The following FEM1C variants were observed in gnomAD, a reference collection of about 807,000 sequenced individuals.
FEM1C encodes protein fem-1 homolog C.
FEM1C carries 15 observed loss-of-function variants against 37.6 expected under a neutral mutation model. That is an observed-to-expected ratio of 0.40 (90% CI 0.27 to 0.61). FEM1C has a LOEUF of 0.61. Among genes scored for constraint, FEM1C ranks in the 20% least tolerant of loss-of-function variants. The pLI, the probability that FEM1C is intolerant of heterozygous loss-of-function variation, is 0.42. For synonymous variants in FEM1C, 287 were observed against 272.8 expected, an observed-to-expected ratio of 1.05 and a Z score of -0.51; for missense variants, 532 against 749.7, an observed-to-expected ratio of 0.71 and a Z score of 3.39.
chr5:115,524,959 C>T lies in FEM1C; in HGVS notation c.1203G>A (p.Leu401=). Residue 401 remains leucine, a synonymous_variant, in exon 3 of 3, where the codon CTG becomes CTA. Coordinates refer to ENST00000274457, the MANE Select transcript of FEM1C (RefSeq NM_020177.3). ...CATCAAATGTAACAGTAGTACCCAG[C>T]AGGCCTTTAGCCCTATCCTGTAGCA... is the stretch of plus-strand genomic sequence containing the variant. ...SFMLQDRAKG[L]LGTTVTFDDL... 1 of 1,613,768 alleles carries T rather than the reference C, an allele frequency of 6.2e-7. No homozygotes were observed. The highest frequency in any genetic ancestry group is 1.3e-5 in the African/African-American group (1 of 75,002).
Position 115,524,245 on chromosome 5 carries a change from G to T in FEM1C, c.*63C>A. 1 of 1,312,568 alleles carries T rather than the reference G, an allele frequency of 7.6e-7. No homozygotes were observed. Among genetic ancestry groups the T allele is most frequent in the Non-Finnish European group, 1.1e-6 (1 of 916,752 alleles). 81.3% of individuals were successfully genotyped at this position (1,312,568 alleles called of 1,614,324 possible). The stretch of plus-strand genomic sequence containing the variant: ...TGAATGCTGGTGTTATCACAACAGT[G>T]CTCATTTATGAAACAACTGTTACCA... On this transcript the variant is annotated 3_prime_UTR_variant, in exon 3 of 3. Transcript: ENST00000274457.
chr5:115,541,562 G>A (rs1167382477), intron 2 of FEM1C, among the ~76,000 whole-genome samples: 7 of 152,116 alleles, frequency 4.6e-5, no homozygotes, highest in Non-Finnish European at 1.0e-4. Context: ...TTATACTACA[G>A]TTATTCTCAC....
chr5:115,527,553 C>T (rs2127169819), intron 2 of FEM1C, among the ~76,000 whole-genome samples: 1 of 152,268 alleles, frequency 6.6e-6, no homozygotes, highest in East Asian at 1.9e-4. Flanking sequence ...ATGACTACTA[C>T]ACCAAGTATA....
In FEM1C at chr5:115,524,601, C is replaced by T. The variant is rs1753846555; in HGVS notation, c.1561G>A (p.Val521Met). 1 of 1,609,698 alleles carries T rather than the reference C, an allele frequency of 6.2e-7. No individual in the cohort carries two copies. Among genetic ancestry groups the T allele is most frequent in the African/African-American group, 1.3e-5 (1 of 74,676 alleles). The change falls in exon 3 of 3, where the codon GTG becomes ATG. Residue 521 changes from valine (V) to methionine (M), a missense_variant. This residue lies in a region of FEM1C where 237 missense variants were observed against 260.5 expected (regional missense o/e 0.91). Coordinates refer to ENST00000274457, the MANE Select transcript of FEM1C (RefSeq NM_020177.3). ...TTGTCATCCGAGTCTCTGACGTTCA[C>T]ATCAGCACCACATTCTATCAGTATT... ...TAILIECGAD[V>M]NVRDSDDNSP...
chr5:115,531,653 A>T (rs1018220204), intron 2 of FEM1C, among the ~76,000 whole-genome samples: 18 of 152,098 alleles, frequency 1.2e-4, no homozygotes, highest in African/African-American at 2.4e-4. Flanking sequence ...GAAATATGCT[A>T]TGGTAGTATG....
rs1753784371 is a variant in FEM1C, at chr5:115,521,918, T to C, written c.*2390A>G. 1 of 151,848 alleles carries C rather than the reference T, an allele frequency of 6.6e-6. No homozygotes were observed. Among genetic ancestry groups the C allele is most frequent in the Non-Finnish European group, 1.5e-5 (1 of 67,800 alleles). 9.4% of individuals were successfully genotyped at this position (151,848 alleles called of 1,614,324 possible). A position where few individuals can be genotyped will look rare whatever the true frequency, so the allele number is the denominator to read the frequency against. ...GTTTTTCAAAACCTCCCAATGGCAT[T>C]TGTGGAGATGGCAGAGAAGGGAGAA... is the stretch of plus-strand genomic sequence containing the variant. On this transcript the variant is annotated 3_prime_UTR_variant, in exon 3 of 3. Transcript: ENST00000274457.
intron 2 of FEM1C, among the ~76,000 whole-genome samples, chr5:115,539,256 TTC>T (rs1414678559): frequency 3.9e-5 from 6 of 152,186 alleles, no homozygotes; most frequent in Admixed American, 2.0e-4. Context: ...GCTGCTCAAT[TTC>T]TGTTAGAATT....
rs188084095 is a variant in FEM1C, at chr5:115,543,417, T to G, written c.77A>C (p.Lys26Thr). 2 of 1,614,060 alleles carry G rather than the reference T, an allele frequency of 1.2e-6. No homozygotes were observed. Among genetic ancestry groups the G allele is most frequent in the African/African-American group, 2.7e-5 (2 of 74,926 alleles). ...CAAGGAGGAAACCTCCTCTTTGGATTTGCTTGCCAACAATTTGGTGAGAAG... is the reference window on the plus strand; with the variant it reads ...CAAGGAGGAAACCTCCTCTTTGGATGTGCTTGCCAACAATTTGGTGAGAAG... ...LRLLTKLLAS[K>T]SKEEVSSLIS... is the part of the protein sequence containing the mutation. The change falls in exon 2 of 3, where the codon AAA becomes ACA. Residue 26 changes from lysine (K) to threonine (T), a missense_variant. By Grantham distance (78) the Lys-to-Thr change is moderately conservative (BLOSUM62 -1). Coordinates refer to ENST00000274457, the MANE Select transcript of FEM1C (RefSeq NM_020177.3).
intron 2 of FEM1C, among the ~76,000 whole-genome samples, chr5:115,534,742 A>AT (rs1754088875): frequency 6.6e-6 from 1 of 151,974 alleles, no homozygotes; most frequent in Non-Finnish European, 1.5e-5. Context: ...TGTGTTTAGC[A>AT]TAAGTCAAAT....
At chr5:115,540,206 C>T (rs981482596) in intron 2 of FEM1C, among the ~76,000 whole-genome samples, 6 of 151,880 alleles carry the variant, frequency 4.0e-5, no homozygotes, top group African/African-American at 1.5e-4. Flanking sequence ...TACCATTAAC[C>T]CATAGAAAAA....
chr5:115,529,971 G>A (rs930239860), intron 2 of FEM1C, among the ~76,000 whole-genome samples: 16 of 151,806 alleles, frequency 1.1e-4, no homozygotes, highest in Admixed American at 1.1e-3. Flanking sequence ...AAAGTACCCA[G>A]GAGATGAAAA....
At chr5:115,529,969 CAGG>C (rs1184100152) in intron 2 of FEM1C, among the ~76,000 whole-genome samples, 1 of 151,688 alleles carries the variant, frequency 6.6e-6, no homozygotes, top group Non-Finnish European at 1.5e-5. Flanking sequence ...GAAAAGTACC[CAGG>C]AGATGAAAAT....
rs375756596 is a variant in FEM1C, at chr5:115,544,417, C to T, written c.-191+106G>A. 240 of 154,992 alleles carry T rather than the reference C, an allele frequency of 1.5e-3. 1 individual carries two copies. The highest frequency in any genetic ancestry group is 5.6e-3 in the African/African-American group (233 of 41,590). The allele number at this position is 154,992 out of a possible 1,614,324, so 9.6% of individuals were successfully genotyped here. On this transcript the variant is annotated intron_variant, in intron 1 of 2. Coordinates refer to ENST00000274457, the MANE Select transcript of FEM1C (RefSeq NM_020177.3). ...ATGGGCCAAGCTGTGGCCTCCAGCC[C>T]GCTGCCCGCCTTCGGCTCCCCCGGC...
chr5:115,532,107 A>G (rs958665520), intron 2 of FEM1C, among the ~76,000 whole-genome samples: 13 of 152,130 alleles, frequency 8.5e-5, no homozygotes, highest in African/African-American at 2.9e-4. Flanking sequence ...TGGTTTTATC[A>G]TATCAATTTT....
At chr5:115,535,750 C>T (rs759257753) in intron 2 of FEM1C, among the ~76,000 whole-genome samples, 2 of 151,820 alleles carry the variant, frequency 1.3e-5, no homozygotes, top group African/African-American at 2.4e-5. Flanking sequence ...TAGGTATGTG[C>T]CTGAGAGAAA....
chr5:115,536,361 C>T (rs1335384712), intron 2 of FEM1C, among the ~76,000 whole-genome samples: 1 of 151,898 alleles, frequency 6.6e-6, no homozygotes, highest in African/African-American at 2.4e-5. Context: ...CAAAAACAGT[C>T]CTCATCTCTC....
At position 115,543,644 on chromosome 5, in the gene FEM1C, G is replaced by A. The variant is rs1754289892; in HGVS notation, c.-151C>T. The stretch of plus-strand genomic sequence containing the variant: ...TACACAACCACGAAGAGTATGTTCC[G>A]TCCTACTGCTTTCCAACATCTGACA... On this transcript the variant is annotated 5_prime_UTR_variant, in exon 2 of 3. It adds an upstream start codon to the 5' untranslated region. Coordinates refer to ENST00000274457, the MANE Select transcript of FEM1C (RefSeq NM_020177.3). The A allele has an allele frequency of 2.2e-6, 3 of 1,389,916 alleles. No homozygotes were observed. The highest frequency in any genetic ancestry group is 1.7e-5 in the South Asian group (1 of 57,230). 86.1% of individuals were successfully genotyped at this position (1,389,916 alleles called of 1,614,324 possible). A position where few individuals can be genotyped will look rare whatever the true frequency, so the allele number is the denominator to read the frequency against.
intron 2 of FEM1C, among the ~76,000 whole-genome samples, chr5:115,527,740 C>T (rs541831154): frequency 2.6e-5 from 4 of 152,028 alleles, no homozygotes; most frequent in Admixed American, 1.3e-4. Flanking sequence ...CGGTAGCTCA[C>T]GCCTGTAATC....
chr5:115,533,115 CA>C (rs899200338), intron 2 of FEM1C, among the ~76,000 whole-genome samples: 28 of 152,000 alleles, frequency 1.8e-4, no homozygotes, highest in African/African-American at 6.5e-4. Flanking sequence ...GCTTAATAGA[CA>C]TCTTCAATTC....
Sources: allele counts gnomAD v4.1 joint callset (sites outside exome capture counted in the v4.1 genomes callset), GRCh38; gene constraint gnomAD v4.1.1; regional missense constraint gnomAD v4.1.1; transcripts MANE v1.5; gene names NCBI Gene and HGNC (gene_info 2026-07-23, HGNC 2026-07-21).